The following COL24A1 variants were observed in gnomAD, a reference collection of about 807,000 sequenced individuals.
COL24A1 encodes collagen alpha-1(XXIV) chain.
COL24A1 carries 224 observed loss-of-function variants against 253.9 expected under a neutral mutation model. The observed-to-expected ratio is 0.88, with a 90% CI of 0.79 to 0.99. The LOEUF is 0.99. Ranked by LOEUF, COL24A1 falls within the 50% of genes least tolerant of loss-of-function variation. The probability of loss-of-function intolerance (pLI) is 0.00; values close to 1 mark genes in which losing one functional copy is unlikely to be tolerated. For synonymous variants in COL24A1, 685 were observed against 673.7 expected, an observed-to-expected ratio of 1.02 and a Z score of -0.26; for missense variants, 2,131 against 2,068.5, an observed-to-expected ratio of 1.03 and a Z score of -0.59.
intron 23 of COL24A1, among the ~76,000 whole-genome samples, chr1:85,962,217 C>A (rs1373396631): frequency 6.6e-6 from 1 of 152,142 alleles, no homozygotes; most frequent in African/African-American, 2.4e-5. Context: ...ACCCTGTGAA[C>A]TGGAGCAGCT....
rs1400003732 is a variant in COL24A1 at position 85,948,964 on chromosome 1, T to C, written c.2562+12285A>G. Among the ~76,000 whole-genome samples, 5 of 152,140 alleles carry C rather than the reference T, an allele frequency of 3.3e-5. No homozygotes were observed. The East Asian group carries it at 9.6e-4, about 29-fold the overall frequency. ...AGAATTGCCAATTACTTAATCTTTTTGAGGTTTTCTGAAACTTTTGCTTAA... is the reference window on the plus strand; with the variant it reads ...AGAATTGCCAATTACTTAATCTTTTCGAGGTTTTCTGAAACTTTTGCTTAA... On this transcript the variant is annotated intron_variant, in intron 24 of 59. Coordinates refer to ENST00000370571, the MANE Select transcript of COL24A1 (RefSeq NM_152890.7).
intron 5 of COL24A1, among the ~76,000 whole-genome samples, chr1:86,112,100 A>C (rs577854819): frequency 6.6e-6 from 1 of 152,314 alleles, no homozygotes; most frequent in African/African-American, 2.4e-5. Context: ...ATAGATTTTC[A>C]GGTTAGTTGT....
At position 85,822,415 on chromosome 1, in the gene COL24A1, C is replaced by T. The variant is rs767637325; in HGVS notation, c.3789+1121G>A. 2.5e-3 allele frequency among the ~76,000 whole-genome samples: 373 copies of T among 152,204 alleles called. 1 individual carries two copies. Among genetic ancestry groups the T allele is most frequent in the Non-Finnish European group, 4.1e-3 (277 of 68,010 alleles). ...TAAGAATTTAATTTGAAATCAATAG[C>T]ATGTGAAGTCAGAATGCCTGAAAAA... On this transcript the variant is annotated intron_variant, in intron 45 of 59. Transcript: ENST00000370571.
intron 20 of COL24A1, among the ~76,000 whole-genome samples, chr1:85,975,912 G>A (rs537665539): frequency 5.3e-5 from 8 of 152,248 alleles, no homozygotes; most frequent in African/African-American, 1.4e-4. Context: ...CTGATTTAGC[G>A]TGAAACATAA....
chr1:86,066,827 AAC>A (rs1169229874), intron 7 of COL24A1, among the ~76,000 whole-genome samples: 5 of 152,144 alleles, frequency 3.3e-5, no homozygotes, highest in African/African-American at 1.2e-4. Context: ...CTGAATAAAA[AAC>A]AAAGCAGATA....
intron 20 of COL24A1, among the ~76,000 whole-genome samples, chr1:85,977,707 A>G (rs1203649592): frequency 2.6e-5 from 4 of 152,216 alleles, no homozygotes; most frequent in Non-Finnish European, 4.4e-5. Context: ...AAAAGAAGAA[A>G]GCCTCCACAA....
At chr1:86,106,224 T>C (rs1406937290) in intron 5 of COL24A1, among the ~76,000 whole-genome samples, 1 of 152,064 alleles carries the variant, frequency 6.6e-6, no homozygotes, top group Non-Finnish European at 1.5e-5. Context: ...AAATACACGA[T>C]GGAGACATAG....
chr1:86,122,960 T>C (rs1473919673), intron 3 of COL24A1, among the ~76,000 whole-genome samples: 1 of 152,038 alleles, frequency 6.6e-6, no homozygotes, highest in African/African-American at 2.4e-5. Context: ...ACCATCAAGC[T>C]TGGATCTTTA....
At chr1:85,829,980 T>C (rs1674968586) in intron 43 of COL24A1, among the ~76,000 whole-genome samples, 1 of 152,230 alleles carries the variant, frequency 6.6e-6, no homozygotes, top group Non-Finnish European at 1.5e-5. Context: ...CTGCGTTCCT[T>C]TGGAGGAGGA....
At chr1:86,051,825 G>A (rs1700326432) in intron 10 of COL24A1, among the ~76,000 whole-genome samples, 1 of 152,036 alleles carries the variant, frequency 6.6e-6, no homozygotes, top group Admixed American at 6.6e-5. Flanking sequence ...TAGAAATATG[G>A]AAAACAAATA....
At chr1:85,789,212 A>G (rs559918085) in intron 47 of COL24A1, among the ~76,000 whole-genome samples, 3 of 152,024 alleles carry the variant, frequency 2.0e-5, no homozygotes, top group Admixed American at 1.3e-4. Flanking sequence ...ATGTTTTTCC[A>G]TTTGTGTCCT....
Position 86,022,290 on chromosome 1 carries a change from C to A in COL24A1, c.2206G>T (p.Ala736Ser), listed in dbSNP as rs765317160. 6.3e-7 allele frequency: 1 copy of A among 1,582,166 alleles called. No individual in the cohort carries two copies. Among genetic ancestry groups the A allele is most frequent in the Non-Finnish European group, 8.5e-7 (1 of 1,170,680 alleles). The change falls in exon 18 of 60, where the codon GCT becomes TCT. Residue 736 changes from alanine (A) to serine (S), a missense_variant. Coordinates refer to ENST00000370571, the MANE Select transcript of COL24A1 (RefSeq NM_152890.7). ...GEPGYPGDKGAVGLPGPPGMR... is the reference protein window; with the variant it reads ...GEPGYPGDKGSVGLPGPPGMR... ...CCTGGTGGTCCTGGTAAACCAACAG[C>A]ACCCTAAGAGAAGAGAATAACAGAA...
At position 85,830,751 on chromosome 1, in the gene COL24A1, G is replaced by A. The variant is rs549421310; in HGVS notation, c.3682-7013C>T. Among the ~76,000 whole-genome samples, 656 of 152,250 alleles carry A rather than the reference G, an allele frequency of 4.3e-3. 4 individuals are homozygous for A. The highest frequency in any genetic ancestry group is 0.02 in the Middle Eastern group (6 of 294). On this transcript the variant is annotated intron_variant, in intron 43 of 59. Transcript: ENST00000370571. ...AACTCCCTGACCCCTTGCGCTTGCC[G>A]AGTGAGGCAATGCCTTGCCCTGCTT... is the stretch of plus-strand genomic sequence containing the variant.
intron 43 of COL24A1, among the ~76,000 whole-genome samples, chr1:85,832,446 T>C (rs1675417087): frequency 6.6e-6 from 1 of 151,776 alleles, no homozygotes; most frequent in African/African-American, 2.4e-5. Context: ...AAAGTAGTTT[T>C]TTCCAATTCT....
chr1:85,829,168 C>A (rs1314870889), intron 43 of COL24A1, among the ~76,000 whole-genome samples: 1 of 149,208 alleles, frequency 6.7e-6, no homozygotes, highest in Non-Finnish European at 1.5e-5. Context: ...TATTTTATTT[C>A]TCCTTCACTT....
chr1:85,790,907 T>C (rs1670206724), intron 47 of COL24A1, among the ~76,000 whole-genome samples: 1 of 152,052 alleles, frequency 6.6e-6, no homozygotes, highest in African/African-American at 2.4e-5. Flanking sequence ...AATTGGAAAA[T>C]GTAACATGGA....
intron 1 of COL24A1, among the ~76,000 whole-genome samples, chr1:86,151,969 C>G (rs922662444): frequency 2.0e-5 from 3 of 152,198 alleles, no homozygotes; most frequent in African/African-American, 7.2e-5. Context: ...ACAATTTCCA[C>G]CACGCTACGT....
At position 85,868,826 on chromosome 1, in the gene COL24A1, C is replaced by T; in HGVS notation, c.3148G>A (p.Gly1050Arg). The T allele has an allele frequency of 6.3e-7, 1 of 1,588,330 alleles. No homozygotes were observed. Reference sequence around the variant, plus strand: ...TGGAGACCTTCTTCTCCAGGAGCTCCTGGTTCACCCTATTTTGTAGCAGAA... The same window carrying T: ...TGGAGACCTTCTTCTCCAGGAGCTCTTGGTTCACCCTATTTTGTAGCAGAA... Reference protein sequence around the residue: ...TGEPGLRGEPGAPGEEGLQGK... With the variant: ...TGEPGLRGEPRAPGEEGLQGK... Residue 1050 changes from glycine to arginine, a missense_variant, in exon 36 of 60, where the codon GGA becomes AGA. Gly to Arg is a moderately radical substitution (Grantham distance 125). Coordinates refer to ENST00000370571, the MANE Select transcript of COL24A1 (RefSeq NM_152890.7).
chr1:85,872,981 C>T (rs1353759227), intron 35 of COL24A1, among the ~76,000 whole-genome samples: 6 of 152,144 alleles, frequency 3.9e-5, no homozygotes, highest in Non-Finnish European at 8.8e-5. Context: ...AGAACTCAAA[C>T]AAACTTACAA....
Sources: gnomAD v4.1 joint callset for allele counts (sites outside exome capture counted in the v4.1 genomes callset) on GRCh38, gnomAD v4.1.1 for gene constraint, MANE v1.5 for transcripts, NCBI Gene and HGNC (gene_info 2026-07-23, HGNC 2026-07-21) for gene names.